The following LAMA2 variants were observed in gnomAD, a reference collection of about 807,000 sequenced individuals.
The protein encoded by LAMA2 is laminin subunit alpha-2.
In LAMA2, 269 loss-of-function variants were observed where a neutral mutation model predicts 364.8. The observed-to-expected ratio is 0.74, with a 90% confidence interval of 0.67 to 0.82. LAMA2 has a LOEUF of 0.82. Ranked by LOEUF, LAMA2 falls within the 40% of genes least tolerant of loss-of-function variation. The probability of loss-of-function intolerance (pLI) is 0.00; values close to 1 mark genes in which losing one functional copy is unlikely to be tolerated. For missense variants in LAMA2, 3,807 were observed against 3,873.2 expected, an observed-to-expected ratio of 0.98 and a Z score of 0.45; for synonymous variants, 1,379 against 1,370.6, an observed-to-expected ratio of 1.01 and a Z score of -0.14.
At chr6:129,403,663 A>G (rs138624133) in intron 39 of LAMA2, among the ~76,000 whole-genome samples, 158 bp from the exon 40 acceptor site, 7 of 152,336 alleles carry the variant, frequency 4.6e-5, no homozygotes, top group Non-Finnish European at 1.0e-4. Context: ...ATAGAAAACT[A>G]TAGGACAATA....
At chr6:128,911,278 C>T (rs896549615) in intron 1 of LAMA2, among the ~76,000 whole-genome samples, 1 of 152,150 alleles carries the variant, frequency 6.6e-6, no homozygotes, top group Non-Finnish European at 1.5e-5. Context: ...GCTGTGCTAG[C>T]AATCAGTGAG....
At chr6:129,331,099 G>C (rs1279299028) in intron 29 of LAMA2, among the ~76,000 whole-genome samples, 3 of 152,016 alleles carry the variant, frequency 2.0e-5, no homozygotes, top group Non-Finnish European at 4.4e-5. Context: ...TCGATCTCCT[G>C]ACCTCATGAT....
intron 58 of LAMA2, among the ~76,000 whole-genome samples, chr6:129,500,194 A>G (rs1785521238): frequency 1.3e-5 from 2 of 152,156 alleles, no homozygotes; most frequent in Admixed American, 6.5e-5. Context: ...GTCCCATTTA[A>G]ATCCTAAGGT....
chr6:129,059,488 T>C (rs1788735650), intron 2 of LAMA2, among the ~76,000 whole-genome samples: 1 of 152,174 alleles, frequency 6.6e-6, no homozygotes, highest in African/African-American at 2.4e-5. Context: ...TTACACTTAA[T>C]TTCTGTAGTT....
chr6:129,136,017 A>G lies in LAMA2; in HGVS notation c.640-7884A>G, dbSNP rs116395578. On this transcript the variant is annotated intron_variant, in intron 4 of 64. Transcript: ENST00000421865. Reference sequence around the variant, plus strand: ...ATGTAAAATGAACTCCTGTATGTCAAATTCCTTTCAGAGAAAAAAAAAAGT... The same window carrying G: ...ATGTAAAATGAACTCCTGTATGTCAGATTCCTTTCAGAGAAAAAAAAAAGT... Among the ~76,000 whole-genome samples, 966 of 152,280 alleles carry G rather than the reference A, an allele frequency of 6.3e-3. 8 individuals are homozygous for G. Among genetic ancestry groups the G allele is most frequent in the African/African-American group, 0.022 (926 of 41,560 alleles).
At chr6:129,263,779 A>C (rs1302313729) in intron 15 of LAMA2, among the ~76,000 whole-genome samples, 1 of 152,102 alleles carries the variant, frequency 6.6e-6, no homozygotes, top group Non-Finnish European at 1.5e-5. Context: ...TTGCTCTGTC[A>C]CCTAGGCTGG....
At chr6:129,137,201 G>C (rs1157155518) in intron 4 of LAMA2, among the ~76,000 whole-genome samples, 2 of 151,810 alleles carry the variant, frequency 1.3e-5, no homozygotes, top group Non-Finnish European at 2.9e-5. Flanking sequence ...AGTAGTCATC[G>C]GACATGTAAG....
At chr6:129,456,020 A>G (rs1481166548) in intron 47 of LAMA2, among the ~76,000 whole-genome samples, 1 of 152,180 alleles carries the variant, frequency 6.6e-6, no homozygotes, top group Non-Finnish European at 1.5e-5. Context: ...AAGGCTTTCC[A>G]CTTAACCAAT....
intron 29 of LAMA2, among the ~76,000 whole-genome samples, chr6:129,335,373 T>TAGAC (rs1186543295): frequency 1.8e-4 from 28 of 151,754 alleles, no homozygotes; most frequent in African/African-American, 6.8e-4. Context: ...GATAGATAGA[T>TAGAC]AGATAGATAG....
chr6:128,981,984 C>T (rs1782917397), intron 1 of LAMA2, among the ~76,000 whole-genome samples: 1 of 152,186 alleles, frequency 6.6e-6, no homozygotes, highest in Non-Finnish European at 1.5e-5. Flanking sequence ...GTCCCTCTAA[C>T]ATAGCATGAG....
At chr6:129,453,456 TTTATC>T (rs1371933426) in intron 46 of LAMA2, among the ~76,000 whole-genome samples, 3 of 152,332 alleles carry the variant, frequency 2.0e-5, no homozygotes, top group African/African-American at 4.8e-5. Context: ...TTCTTATTTA[TTTATC>T]TTATTTACTG....
chr6:128,907,620 C>G (rs979942963), intron 1 of LAMA2, among the ~76,000 whole-genome samples: 2 of 152,024 alleles, frequency 1.3e-5, no homozygotes, highest in Non-Finnish European at 2.9e-5. Flanking sequence ...ATTGAATACC[C>G]TTTATTTCCT....
chr6:129,448,424 G>A lies in LAMA2; in HGVS notation c.6429+2603G>A, dbSNP rs566309675. 5.9e-5 allele frequency among the ~76,000 whole-genome samples: 9 copies of A among 152,264 alleles called. No homozygotes were observed. In the East Asian group the frequency reaches 1.4e-3, roughly 23 times the overall value. On this transcript the variant is annotated intron_variant, in intron 45 of 64. Coordinates refer to ENST00000421865, the MANE Select transcript of LAMA2 (RefSeq NM_000426.4). ...CACAATGCCTTATTTTTTGTAAGAC[G>A]TTAGAAATATGCAAGTAGCCAATTT... is the stretch of plus-strand genomic sequence containing the variant.
At chr6:128,905,216 C>T (rs1777355370) in intron 1 of LAMA2, among the ~76,000 whole-genome samples, 1 of 152,060 alleles carries the variant, frequency 6.6e-6, no homozygotes, top group Admixed American at 6.5e-5. Context: ...TACTTAGAGC[C>T]CTGACCTAAT....
intron 37 of LAMA2, among the ~76,000 whole-genome samples, chr6:129,399,626 G>A (rs1354394180): frequency 6.6e-6 from 1 of 152,166 alleles, no homozygotes; most frequent in Non-Finnish European, 1.5e-5. Flanking sequence ...GACAAGGATA[G>A]GTGCTATTTT....
At chr6:129,032,098 G>A (rs9372916) in intron 1 of LAMA2, among the ~76,000 whole-genome samples, 96,043 of 152,080 alleles carry the variant, frequency 0.63, 32,103 homozygotes, top group East Asian at 0.96. Flanking sequence ...GATTACAGGC[G>A]TGAGCCACCA....
intron 21 of LAMA2, among the ~76,000 whole-genome samples, chr6:129,298,707 A>G (rs1400073154): frequency 6.6e-6 from 1 of 152,248 alleles, no homozygotes; most frequent in Non-Finnish European, 1.5e-5. Flanking sequence ...AAATTTAAGT[A>G]GGAAGCAGTA....
At chr6:129,359,581 A>C (rs1254705104) in intron 32 of LAMA2, among the ~76,000 whole-genome samples, 1 of 131,120 alleles carries the variant, frequency 7.6e-6, no homozygotes, top group Non-Finnish European at 1.6e-5. Flanking sequence ...TGAGAAATAG[A>C]AAATTCAGAT....
chr6:129,199,019 T>C (rs1000783985), intron 12 of LAMA2, among the ~76,000 whole-genome samples: 1 of 152,164 alleles, frequency 6.6e-6, no homozygotes, highest in Non-Finnish European at 1.5e-5. Flanking sequence ...TTTATGTGGC[T>C]TGATATAAAA....
Sources: gnomAD v4.1 joint callset for allele counts (sites outside exome capture counted in the v4.1 genomes callset) on GRCh38, gnomAD v4.1.1 for gene constraint, MANE v1.5 for transcripts, NCBI Gene and HGNC (gene_info 2026-07-23, HGNC 2026-07-21) for gene names.